Variants in CHKA observed in about 807,000 individuals in gnomAD.
CHKA encodes choline kinase alpha, also known as CHETK-alpha.
Under a neutral mutation model 60.1 loss-of-function variants are expected in CHKA, and 34 were observed. That is an observed-to-expected ratio of 0.57 (90% CI 0.43 to 0.75). The LOEUF is 0.75. Among genes scored for constraint, CHKA ranks in the 30% least tolerant of loss-of-function variants. The pLI is 0.00. For missense variants in CHKA, 563 were observed against 561.3 expected (o/e 1.00, Z -0.03); for synonymous variants, 217 against 223.1 (o/e 0.97, Z 0.24).
Position 68,065,908 on chromosome 11 carries a change from T to A in CHKA, c.1017-14A>T, listed in dbSNP as rs776868788. The A allele has an allele frequency of 5.7e-6, 9 of 1,567,394 alleles. No individual in the cohort carries two copies. Among genetic ancestry groups the A allele is most frequent in the Admixed American group, 1.7e-5 (1 of 59,472 alleles). On this transcript the variant is annotated splice_polypyrimidine_tract_variant and intron_variant, in intron 8 of 11. Transcript: ENST00000265689. ...ATGTCGAATCCCCTGAAATAAGACA[T>A]AAGACAGTGCACACAATGAGGCAAA...
intron 2 of CHKA, among the ~76,000 whole-genome samples, chr11:68,095,563 G>A (rs1857474929): frequency 6.7e-6 from 1 of 148,924 alleles, no homozygotes. Context: ...CAAAAAGTGA[G>A]CCAGGCGTGG....
chr11:68,084,319 T>TATATATACAC lies in CHKA; in HGVS notation c.463-2872_463-2863dup, dbSNP rs1278539464. ...ACGTATATGTGTATATACATGTGTA[T>TATATATACAC]ATATATACACATATACGTATATATA... On this transcript the variant is annotated intron_variant, in intron 2 of 11. Coordinates refer to ENST00000265689, the MANE Select transcript of CHKA (RefSeq NM_001277.3). Among the ~76,000 whole-genome samples the TATATATACAC allele has an allele frequency of 5.1e-3, 719 of 141,580 alleles. 10 individuals carry two copies. Among genetic ancestry groups the TATATATACAC allele is most frequent in the African/African-American group, 0.017 (665 of 38,774 alleles). 92.9% of individuals were successfully genotyped at this position (141,580 alleles called of 152,430 possible). A position where few individuals can be genotyped will look rare whatever the true frequency, so the allele number is the denominator to read the frequency against.
intron 1 of CHKA, among the ~76,000 whole-genome samples, chr11:68,102,858 C>A (rs1232578651): frequency 6.6e-6 from 1 of 151,938 alleles, no homozygotes; most frequent in Non-Finnish European, 1.5e-5. Flanking sequence ...GGAAAGGAAA[C>A]CAATTAAAAA....
Position 68,065,888 on chromosome 11 carries a change from G to A in CHKA, c.1023C>T (p.Phe341=), listed in dbSNP as rs111439274. The A allele has an allele frequency of 5.3e-5, 84 of 1,594,930 alleles. No individual in the cohort carries two copies. The African/African-American group carries it at 8.6e-4, about 16-fold the overall frequency. The change falls in exon 9 of 12, where the codon TTC becomes TTT. Residue 341 remains phenylalanine, a synonymous_variant. Transcript: ENST00000265689. ...ACTCACAGAAGTGATTTCCAATGTC[G>A]AATCCCCTGAAATAAGACATAAGAC... The part of the protein sequence containing the change: ...FEYSSYNYRG[F]DIGNHFCEWM...
At chr11:68,099,419 G>A (rs950062416) in intron 1 of CHKA, among the ~76,000 whole-genome samples, 2 of 152,174 alleles carry the variant, frequency 1.3e-5, no homozygotes, top group Non-Finnish European at 2.9e-5. Flanking sequence ...TATTTAAGAG[G>A]TTTTTTCAAA....
intron 7 of CHKA, 114 bp from the exon 8 acceptor site, chr11:68,066,630 C>G (rs1856453891): frequency 1.2e-6 from 1 of 833,462 alleles, no homozygotes; most frequent in South Asian, 1.5e-5. Context: ...CTGAATGTGG[C>G]TTTTGGTCTG....
At chr11:68,105,073 C>T (rs1249625347) in intron 1 of CHKA, among the ~76,000 whole-genome samples, 1 of 151,586 alleles carries the variant, frequency 6.6e-6, no homozygotes, top group African/African-American at 2.4e-5. Context: ...CATTGCACTC[C>T]AGCCTCGGCA....
chr11:68,055,165 G>A (rs1855960601), intron 11 of CHKA, among the ~76,000 whole-genome samples: 1 of 152,230 alleles, frequency 6.6e-6, no homozygotes, highest in African/African-American at 2.4e-5. Context: ...GGCCAAGGCA[G>A]ACGGATCACT....
intron 2 of CHKA, among the ~76,000 whole-genome samples, chr11:68,084,693 G>A (rs562513211): frequency 4.6e-5 from 7 of 151,380 alleles, no homozygotes; most frequent in Admixed American, 1.3e-4. Context: ...CATTACTGTG[G>A]TCATTTTTAA....
chr11:68,070,075 A>T, intron 6 of CHKA, 114 bp downstream of exon 6: 2 of 791,152 alleles, frequency 2.5e-6, no homozygotes, highest in Non-Finnish European at 4.3e-6. Flanking sequence ...GTTTAAATTC[A>T]TCCTGTAAAA....
At chr11:68,081,373 C>A in intron 3 of CHKA, 31 bp downstream of exon 3, 2 of 1,599,942 alleles carry the variant, frequency 1.3e-6, no homozygotes, top group South Asian at 2.2e-5. Context: ...GTTCACATCT[C>A]ACACAGATGC....
intron 1 of CHKA, among the ~76,000 whole-genome samples, chr11:68,109,146 G>C (rs566857041): frequency 6.9e-6 from 1 of 144,120 alleles, no homozygotes; most frequent in East Asian, 2.1e-4. Context: ...CAGGAGTGCA[G>C]TGGCGCGATC....
intron 2 of CHKA, among the ~76,000 whole-genome samples, chr11:68,094,510 C>T (rs1416773244): frequency 4.6e-5 from 7 of 152,212 alleles, no homozygotes; most frequent in African/African-American, 1.7e-4. Flanking sequence ...CACTACACTA[C>T]AGCCTGGGTG....
intron 2 of CHKA, among the ~76,000 whole-genome samples, chr11:68,082,940 G>A (rs1434658204): frequency 6.6e-6 from 1 of 152,296 alleles, no homozygotes; most frequent in Middle Eastern, 3.4e-3. Flanking sequence ...CTACAAAAAT[G>A]CTTTCAGATC....
intron 11 of CHKA, among the ~76,000 whole-genome samples, chr11:68,055,027 C>T (rs1362950041): frequency 1.3e-5 from 2 of 152,214 alleles, no homozygotes; most frequent in East Asian, 3.8e-4. Flanking sequence ...TCTCAGTACA[C>T]GGATCTGGCA....
intron 1 of CHKA, among the ~76,000 whole-genome samples, chr11:68,118,947 C>T (rs1036131741): frequency 3.9e-5 from 6 of 152,186 alleles, no homozygotes; most frequent in Non-Finnish European, 4.4e-5. Context: ...AGCACTGGTG[C>T]AGGAGAAGGG....
In CHKA at chr11:68,053,305, AG is replaced by A. The variant is rs1448831290; in HGVS notation, c.*682del. ...TGCACACTCCATCAGGAGGAAGGGC[AG>A]GGGAGAAGTCACATGCAGTACAGTG... is the stretch of plus-strand genomic sequence containing the variant. On this transcript the variant is annotated 3_prime_UTR_variant, in exon 12 of 12. Coordinates refer to ENST00000265689, the MANE Select transcript of CHKA (RefSeq NM_001277.3). 2 of 152,340 alleles carry A rather than the reference AG, an allele frequency of 1.3e-5. No homozygotes were observed. Among genetic ancestry groups the A allele is most frequent in the Non-Finnish European group, 2.9e-5 (2 of 68,104 alleles). The allele number at this position is 152,340 out of a possible 1,614,324, so 9.4% of individuals were successfully genotyped here. A position where few individuals can be genotyped will look rare whatever the true frequency, so the allele number is the denominator to read the frequency against.
chr11:68,121,097 C>G lies in CHKA; in HGVS notation c.81G>C (p.Ala27=). The G allele has an allele frequency of 8.7e-7, 1 of 1,147,550 alleles. No individual in the cohort carries two copies. Among genetic ancestry groups the G allele is most frequent in the South Asian group, 3.4e-5 (1 of 29,844 alleles). 71.1% of individuals were successfully genotyped at this position (1,147,550 alleles called of 1,614,324 possible). A position where few individuals can be genotyped will look rare whatever the true frequency, so the allele number is the denominator to read the frequency against. ...GCTGCCCCACGCCGGGCGCCGGGGC[C>G]GCGCTGCCGCTACCGCAGCTCAGCA... ...GLLLSCGSGS[A]APAPGVGQQR... The change falls in exon 1 of 12, where the codon GCG becomes GCC. Residue 27 remains alanine, a synonymous_variant. Transcript: ENST00000265689.
chr11:68,077,639 T>C (rs932996510), intron 3 of CHKA, among the ~76,000 whole-genome samples: 1 of 152,116 alleles, frequency 6.6e-6, no homozygotes. Context: ...AAGAACAAGA[T>C]ACATAAGGCC....
Sources: allele counts gnomAD v4.1 joint callset (sites outside exome capture counted in the v4.1 genomes callset), GRCh38; gene constraint gnomAD v4.1.1; transcripts MANE v1.5; gene names NCBI Gene and HGNC (gene_info 2026-07-23, HGNC 2026-07-21).